Variants in SV2C observed in about 807,000 individuals in gnomAD.
SV2C encodes the protein solute carrier family 22 member B3.
A neutral mutation model predicts 79.7 loss-of-function variants in SV2C; 49 were observed. That is an observed-to-expected ratio of 0.61 (90% CI 0.49 to 0.78). The LOEUF (loss-of-function observed/expected upper bound fraction) is 0.78. SV2C is among the 30% of genes least tolerant of loss of function. The pLI is 0.00. For synonymous variants in SV2C, 334 were observed against 333.2 expected, an observed-to-expected ratio of 1.00 and a Z score of -0.03; for missense variants, 833 against 912.9, an observed-to-expected ratio of 0.91 and a Z score of 1.13.
At chr5:76,230,142 AAAGG>A (rs1487649338) in intron 4 of SV2C, among the ~76,000 whole-genome samples, 1 of 152,230 alleles carries the variant, frequency 6.6e-6, no homozygotes, top group Non-Finnish European at 1.5e-5. Context: ...AGCTGAGTGT[AAAGG>A]AAGACAAATG....
rs1052759981 is a variant in SV2C, at chr5:76,332,687, G to A, written c.*7140G>A. The stretch of plus-strand genomic sequence containing the variant: ...TAGTTTGAGATCAGCTATAGTGGTG[G>A]TATTTATACCATGGAAAGCAACAAA... On this transcript the variant is annotated 3_prime_UTR_variant, in exon 13 of 13. Transcript: ENST00000502798. 1 of 152,052 alleles carries A rather than the reference G, an allele frequency of 6.6e-6. No homozygotes were observed. Among genetic ancestry groups the A allele is most frequent in the African/African-American group, 2.4e-5 (1 of 41,336 alleles). 9.4% of individuals were successfully genotyped at this position (152,052 alleles called of 1,614,324 possible). A position where few individuals can be genotyped will look rare whatever the true frequency, so the allele number is the denominator to read the frequency against.
chr5:75,914,770 G>A, the SV2C span, among the ~76,000 whole-genome samples: 2 of 152,168 alleles, frequency 1.3e-5, no homozygotes, highest in African/African-American at 4.8e-5. Context: ...ATTACAGCCT[G>A]AGCTAAATGC....
chr5:75,902,089 C>T, the SV2C span, among the ~76,000 whole-genome samples: 9 of 149,654 alleles, frequency 6.0e-5, no homozygotes, highest in South Asian at 2.1e-4. Context: ...TGGTGTGCTG[C>T]ACCCACTGAC....
At chr5:76,310,686 A>G (rs910056218) in intron 12 of SV2C, among the ~76,000 whole-genome samples, 1 of 152,184 alleles carries the variant, frequency 6.6e-6, no homozygotes, top group African/African-American at 2.4e-5. Context: ...AAATATGTCT[A>G]AGAGAGAGAC....
rs1200758653 is a variant in SV2C at position 76,329,786 on chromosome 5, C to T, written c.*4239C>T. 6.6e-6 allele frequency: 1 copy of T among 152,162 alleles called. No homozygotes were observed. The highest frequency in any genetic ancestry group is 1.5e-5 in the Non-Finnish European group (1 of 68,034). The allele number at this position is 152,162 out of a possible 1,614,324, so 9.4% of individuals were successfully genotyped here. Reference sequence around the variant, plus strand: ...GTAATATACCTGATCTGTTCATGCACTAAAGGCTCTGGAGCCAGGAATGTC... The same window carrying T: ...GTAATATACCTGATCTGTTCATGCATTAAAGGCTCTGGAGCCAGGAATGTC... On this transcript the variant is annotated 3_prime_UTR_variant, in exon 13 of 13. Coordinates refer to ENST00000502798, the MANE Select transcript of SV2C (RefSeq NM_014979.4).
the SV2C span, among the ~76,000 whole-genome samples, chr5:75,852,624 G>C: frequency 9.9e-5 from 15 of 152,056 alleles, no homozygotes; most frequent in Admixed American, 4.6e-4. Context: ...AGAATATTTC[G>C]TCTATAGATC....
chr5:76,222,355 T>C (rs1339416387), intron 4 of SV2C, among the ~76,000 whole-genome samples: 1 of 151,484 alleles, frequency 6.6e-6, no homozygotes, highest in Non-Finnish European at 1.5e-5. Context: ...TTTTGCAGAG[T>C]GAAAAGGCCA....
At chr5:76,172,044 G>A (rs1187635541) in intron 2 of SV2C, among the ~76,000 whole-genome samples, 28 of 100,810 alleles carry the variant, frequency 2.8e-4, no homozygotes, top group African/African-American at 4.6e-4. Context: ...GGGCGCCTCT[G>A]CCCAGCCGCC....
At chr5:75,943,235 T>C in the SV2C span, among the ~76,000 whole-genome samples, 1 of 152,148 alleles carries the variant, frequency 6.6e-6, no homozygotes, top group Non-Finnish European at 1.5e-5. Flanking sequence ...ACGCTATTGC[T>C]TGGAAGAGAA....
the SV2C span, among the ~76,000 whole-genome samples, chr5:75,885,037 A>C: frequency 6.6e-6 from 1 of 152,138 alleles, no homozygotes; most frequent in Admixed American, 6.6e-5. Flanking sequence ...TTCACGACTC[A>C]ACAAGTGAAA....
At chr5:76,056,566 A>G in the SV2C span, among the ~76,000 whole-genome samples, 8 of 146,400 alleles carry the variant, frequency 5.5e-5, no homozygotes. Flanking sequence ...GAATGGCACC[A>G]TGTTCTCTTT....
chr5:76,013,033 G>T, the SV2C span, among the ~76,000 whole-genome samples: 4 of 151,988 alleles, frequency 2.6e-5, no homozygotes, highest in African/African-American at 7.2e-5. Context: ...TGAAGTCAGA[G>T]AGCATGATGC....
chr5:75,878,501 T>C, the SV2C span, among the ~76,000 whole-genome samples: 1 of 152,184 alleles, frequency 6.6e-6, no homozygotes, highest in Admixed American at 6.6e-5. Flanking sequence ...TAATTGGCAA[T>C]TTTTATTCTT....
chr5:76,098,332 A>G (rs1462333789), intron 1 of SV2C, among the ~76,000 whole-genome samples: 1 of 152,188 alleles, frequency 6.6e-6, no homozygotes, highest in African/African-American at 2.4e-5. Flanking sequence ...CCATAAGCTC[A>G]AGGATATTAT....
chr5:76,255,320 G>T (rs1029618644), intron 4 of SV2C, among the ~76,000 whole-genome samples: 2 of 152,138 alleles, frequency 1.3e-5, no homozygotes, highest in African/African-American at 2.4e-5. Context: ...ATTCACAAAC[G>T]CATTCTGGTT....
At chr5:76,177,191 ATATT>A (rs1389707955) in intron 2 of SV2C, among the ~76,000 whole-genome samples, 1,250 of 95,950 alleles carry the variant, frequency 0.013, 16 homozygotes, top group African/African-American at 0.057. Context: ...AATATATTAT[ATATT>A]AATATATACA....
At chr5:76,017,738 T>A in the SV2C span, among the ~76,000 whole-genome samples, 1 of 152,152 alleles carries the variant, frequency 6.6e-6, no homozygotes, top group Non-Finnish European at 1.5e-5. Context: ...TTGGGGTGGA[T>A]AAGAGGATAG....
chr5:75,891,528 A>G, the SV2C span, among the ~76,000 whole-genome samples: 16 of 152,156 alleles, frequency 1.1e-4, no homozygotes, highest in Non-Finnish European at 2.1e-4. Context: ...TTGAGTAAAT[A>G]CTTTTAAATT....
intron 4 of SV2C, among the ~76,000 whole-genome samples, chr5:76,267,761 T>C (rs1170005914): frequency 6.6e-6 from 1 of 152,210 alleles, no homozygotes; most frequent in East Asian, 1.9e-4. Context: ...CAGTAGGAAT[T>C]TTCCAGGCAG....
Sources: allele counts gnomAD v4.1 joint callset (sites outside exome capture counted in the v4.1 genomes callset), GRCh38; gene constraint gnomAD v4.1.1; transcripts MANE v1.5; gene names NCBI Gene and HGNC (gene_info 2026-07-23, HGNC 2026-07-21).